The following TWSG1 variants were observed in gnomAD, a reference collection of about 807,000 sequenced individuals.
TWSG1 encodes twisted gastrulation BMP signaling modulator 1, also known as twisted gastrulation protein homolog 1.
Under a neutral mutation model 23.0 loss-of-function variants are expected in TWSG1, and 15 were observed. The ratio of observed to expected loss-of-function variants is 0.65; its 90% CI spans 0.44 to 1.00. The LOEUF is 1.00. Ranked by LOEUF, TWSG1 falls within the 50% of genes least tolerant of loss-of-function variation. The pLI is 0.00. For missense variants in TWSG1, 242 were observed against 278.7 expected, an observed-to-expected ratio of 0.87 and a Z score of 0.94; for synonymous variants, 86 against 92.8, an observed-to-expected ratio of 0.93 and a Z score of 0.42.
In TWSG1 at chr18:9,400,151, G is replaced by T. The variant is rs1406874557; in HGVS notation, c.*624G>T. On this transcript the variant is annotated 3_prime_UTR_variant, in exon 5 of 5. Transcript: ENST00000262120. ...GTAGAATCCATTCTATAATACATGT[G>T]TTGACAAAGCTTTAGAGAAAGTTTC... 1 of 152,158 alleles carries T rather than the reference G, an allele frequency of 6.6e-6. No homozygotes were observed. Among genetic ancestry groups the T allele is most frequent in the Non-Finnish European group, 1.5e-5 (1 of 68,030 alleles). 9.4% of individuals were successfully genotyped at this position (152,158 alleles called of 1,614,324 possible).
At chr18:9,353,869 T>C (rs930272610) in intron 2 of TWSG1, among the ~76,000 whole-genome samples, 5 of 152,204 alleles carry the variant, frequency 3.3e-5, no homozygotes, top group African/African-American at 1.2e-4. Flanking sequence ...AAAAATTAAG[T>C]ATTGCATTCC....
At chr18:9,346,148 C>G (rs536245510) in intron 2 of TWSG1, among the ~76,000 whole-genome samples, 1 of 152,132 alleles carries the variant, frequency 6.6e-6, no homozygotes. Context: ...TCATCCCTCC[C>G]TACCTCCCCC....
At chr18:9,370,472 A>G (rs1047167471) in intron 3 of TWSG1, among the ~76,000 whole-genome samples, 3 of 152,224 alleles carry the variant, frequency 2.0e-5, no homozygotes, top group African/African-American at 7.2e-5. Context: ...CAGAATTGGT[A>G]TGCCAAAGGA....
At chr18:9,388,078 T>C (rs921211823) in intron 3 of TWSG1, 1 of 152,226 alleles carries the variant, frequency 6.6e-6, no homozygotes, top group Admixed American at 6.5e-5. Context: ...CACTTGACAA[T>C]GAAGGAACTG....
intron 2 of TWSG1, 144 bp downstream of exon 2, chr18:9,337,496 C>G: frequency 1.2e-6 from 1 of 854,084 alleles, no homozygotes; most frequent in Non-Finnish European, 1.7e-6. Flanking sequence ...TCATGACACA[C>G]AGGTCTGGAT....
At chr18:9,363,664 C>T (rs1172500539) in intron 3 of TWSG1, among the ~76,000 whole-genome samples, 3 of 152,134 alleles carry the variant, frequency 2.0e-5, no homozygotes, top group Non-Finnish European at 2.9e-5. Context: ...TTTGCTCTCT[C>T]GCCCAGGCTG....
At chr18:9,383,867 G>A (rs1385646422) in intron 3 of TWSG1, among the ~76,000 whole-genome samples, 2 of 152,164 alleles carry the variant, frequency 1.3e-5, no homozygotes, top group African/African-American at 4.8e-5. Flanking sequence ...GGGTCCAGTG[G>A]TGGAAATGAG....
At chr18:9,383,025 T>C (rs2040665246) in intron 3 of TWSG1, among the ~76,000 whole-genome samples, 1 of 151,970 alleles carries the variant, frequency 6.6e-6, no homozygotes, top group Non-Finnish European at 1.5e-5. Flanking sequence ...AAGACCAGTA[T>C]GGCTAGATGT....
At chr18:9,390,914 C>T (rs543399033) in intron 3 of TWSG1, among the ~76,000 whole-genome samples, 3 of 152,174 alleles carry the variant, frequency 2.0e-5, no homozygotes, top group East Asian at 1.9e-4. Context: ...TTGGGAGGCT[C>T]AGGTGGGAGG....
At chr18:9,395,575 TATTG>T (rs948560205) in intron 3 of TWSG1, among the ~76,000 whole-genome samples, 4 of 152,098 alleles carry the variant, frequency 2.6e-5, no homozygotes, top group Non-Finnish European at 5.9e-5. Flanking sequence ...AATCCATGTT[TATTG>T]ATTGATTGAT....
At chr18:9,388,104 A>G (rs1474316571) in intron 3 of TWSG1, 2 of 152,246 alleles carry the variant, frequency 1.3e-5, no homozygotes, top group African/African-American at 4.8e-5. Flanking sequence ...GTTGACCTAT[A>G]GAATAGCCCA....
At chr18:9,378,312 A>G (rs1347796137) in intron 3 of TWSG1, among the ~76,000 whole-genome samples, 1 of 152,236 alleles carries the variant, frequency 6.6e-6, no homozygotes, top group East Asian at 1.9e-4. Context: ...ATAGGAAGAG[A>G]GGAAGTCAAA....
intron 3 of TWSG1, among the ~76,000 whole-genome samples, chr18:9,378,439 A>C (rs2040641076): frequency 5.9e-5 from 9 of 152,354 alleles, no homozygotes; most frequent in African/African-American, 2.2e-4. Flanking sequence ...AAATCAATGT[A>C]CAAAAAATCA....
chr18:9,375,878 C>T (rs986064237), intron 3 of TWSG1, among the ~76,000 whole-genome samples: 4 of 151,932 alleles, frequency 2.6e-5, no homozygotes, highest in Admixed American at 6.6e-5. Flanking sequence ...AGGAAGATTC[C>T]ATACTGTCAA....
intron 4 of TWSG1, among the ~76,000 whole-genome samples, chr18:9,399,120 T>C (rs949158253): frequency 1.3e-5 from 2 of 152,190 alleles, no homozygotes; most frequent in Non-Finnish European, 2.9e-5. Flanking sequence ...TAAAAGAAGC[T>C]AAGGAAGCCC....
chr18:9,358,114 G>A (rs534340418), intron 2 of TWSG1, among the ~76,000 whole-genome samples: 19 of 152,232 alleles, frequency 1.2e-4, no homozygotes, highest in African/African-American at 4.1e-4. Context: ...AACAGGAAGT[G>A]CAGCTGGTTG....
chr18:9,362,473 G>T (rs2040556952), intron 3 of TWSG1, among the ~76,000 whole-genome samples: 1 of 152,236 alleles, frequency 6.6e-6, no homozygotes, highest in Non-Finnish European at 1.5e-5. Flanking sequence ...CTCCCAAAGT[G>T]CTGGGATTAC....
At chr18:9,382,532 G>A (rs1301945714) in intron 3 of TWSG1, among the ~76,000 whole-genome samples, 2 of 147,710 alleles carry the variant, frequency 1.4e-5, no homozygotes, top group African/African-American at 5.0e-5. Context: ...CAAAAAAAAA[G>A]GCTGGGTGCG....
At chr18:9,392,589 C>T (rs1329481861) in intron 3 of TWSG1, among the ~76,000 whole-genome samples, 1 of 152,208 alleles carries the variant, frequency 6.6e-6, no homozygotes, top group East Asian at 1.9e-4. Flanking sequence ...TAACACTTTT[C>T]ATTTCCTTCA....
Sources: allele counts gnomAD v4.1 joint callset (sites outside exome capture counted in the v4.1 genomes callset), GRCh38; gene constraint gnomAD v4.1.1; transcripts MANE v1.5; gene names NCBI Gene and HGNC (gene_info 2026-07-23, HGNC 2026-07-21).